Variants in ADD2 observed in about 807,000 individuals in gnomAD.
ADD2 encodes the protein adducin 2, also known as beta-adducin.
In ADD2, 23 loss-of-function variants were observed where a neutral mutation model predicts 83.0. That is an observed-to-expected ratio of 0.28 (90% CI 0.20 to 0.39). The LOEUF is 0.39. ADD2 is among the 10% of genes least tolerant of loss of function. The pLI is 1.00. For synonymous variants in ADD2, 375 were observed against 375.4 expected, an observed-to-expected ratio of 1.00 and a Z score of 0.01; for missense variants, 758 against 944.9, an observed-to-expected ratio of 0.80 and a Z score of 2.59.
At chr2:70,743,658 A>C (rs1161588480) in intron 1 of ADD2, among the ~76,000 whole-genome samples, 1 of 152,238 alleles carries the variant, frequency 6.6e-6, no homozygotes, top group African/African-American at 2.4e-5. Context: ...AAAAACCTAG[A>C]GTAGAGGCTT....
At chr2:70,717,902 T>A (rs1672555216) in intron 1 of ADD2, 2 of 152,228 alleles carry the variant, frequency 1.3e-5, no homozygotes, top group South Asian at 4.1e-4. Flanking sequence ...AGTTCTAGAT[T>A]AGGTATTAAC....
intron 1 of ADD2, among the ~76,000 whole-genome samples, chr2:70,724,266 C>A (rs1004931226): frequency 6.6e-5 from 10 of 152,216 alleles, no homozygotes; most frequent in African/African-American, 1.9e-4. Flanking sequence ...TGCTGTGGAG[C>A]GAGGGCCTTA....
At chr2:70,730,582 C>T (rs1673231401) in intron 1 of ADD2, among the ~76,000 whole-genome samples, 1 of 152,248 alleles carries the variant, frequency 6.6e-6, no homozygotes, top group Non-Finnish European at 1.5e-5. Flanking sequence ...CTTACACATC[C>T]TCCCCTACTC....
At chr2:70,703,199 AAAG>A (rs1553373751) in intron 4 of ADD2, among the ~76,000 whole-genome samples, 1 of 152,124 alleles carries the variant, frequency 6.6e-6, no homozygotes, top group African/African-American at 2.4e-5. Context: ...AGGAAGAAGA[AAAG>A]AAAACGAAAG....
At chr2:70,738,112 T>G (rs1448696684) in intron 1 of ADD2, among the ~76,000 whole-genome samples, 1 of 152,080 alleles carries the variant, frequency 6.6e-6, no homozygotes, top group Non-Finnish European at 1.5e-5. Flanking sequence ...TTAAAATAAA[T>G]TAAACACTAC....
At chr2:70,719,411 T>C (rs2104432375) in intron 1 of ADD2, among the ~76,000 whole-genome samples, 1 of 152,286 alleles carries the variant, frequency 6.6e-6, no homozygotes. Flanking sequence ...TGCTCTGGTA[T>C]AGGTTCATGA....
At chr2:70,740,634 T>TG (rs1186636760) in intron 1 of ADD2, among the ~76,000 whole-genome samples, 5 of 152,028 alleles carry the variant, frequency 3.3e-5, no homozygotes, top group East Asian at 1.9e-4. Context: ...GTGGGGATTT[T>TG]TTTGTTTGTT....
At chr2:70,742,597 GT>G (rs1673974888) in intron 1 of ADD2, among the ~76,000 whole-genome samples, 1 of 152,156 alleles carries the variant, frequency 6.6e-6, no homozygotes, top group African/African-American at 2.4e-5. Context: ...GGCTCAACTG[GT>G]ACCTATTGAT....
At chr2:70,745,932 GT>G (rs1553381911) in intron 1 of ADD2, among the ~76,000 whole-genome samples, 1 of 152,144 alleles carries the variant, frequency 6.6e-6, no homozygotes, top group African/African-American at 2.4e-5. Flanking sequence ...AATAAGGACT[GT>G]TTTTATCTAA....
intron 9 of ADD2, among the ~76,000 whole-genome samples, chr2:70,687,515 CT>C: frequency 2.1e-5 from 3 of 142,538 alleles, no homozygotes; most frequent in African/African-American, 9.3e-5. Context: ...CACGTCAACA[CT>C]CTGATTGGTC....
intron 15 of ADD2, among the ~76,000 whole-genome samples, chr2:70,671,915 G>A (rs1029741750): frequency 6.6e-6 from 1 of 152,166 alleles, no homozygotes; most frequent in Admixed American, 6.5e-5. Flanking sequence ...GGGGGTCTCC[G>A]GGGACCTGGG....
At chr2:70,715,745 C>T (rs1354796592) in intron 1 of ADD2, among the ~76,000 whole-genome samples, 2 of 152,138 alleles carry the variant, frequency 1.3e-5, no homozygotes, top group African/African-American at 4.8e-5. Context: ...CACCACACAC[C>T]GCAGCCTCCC....
At position 70,663,517 on chromosome 2, in the gene ADD2, A is replaced by G; in HGVS notation, c.2089T>C (p.Ser697Pro). Residue 697 changes from serine to proline, a missense_variant, in exon 16 of 16, where the codon TCA becomes CCA. Physicochemically the swap from Ser to Pro is moderately conservative, Grantham distance 74. This residue lies in a region of ADD2 where 165 missense variants were observed against 176.2 expected (regional missense o/e 0.94). Transcript: ENST00000264436. ...VTSGPMSPEGSPSKSPSKKKK... is the reference protein window; with the variant it reads ...VTSGPMSPEGPPSKSPSKKKK... ...TTCTTTGAGGGAGACTTGGAAGGTG[A>G]GCCCTCTGGGGACATGGGGCCGCTG... 6.2e-7 allele frequency: 1 copy of G among 1,614,098 alleles called. No individual in the cohort carries two copies. Among genetic ancestry groups the G allele is most frequent in the Non-Finnish European group, 8.5e-7 (1 of 1,179,996 alleles).
chr2:70,673,103 C>A lies in ADD2; in HGVS notation c.1742-97G>T. On this transcript the variant is annotated intron_variant, in intron 14 of 15. Coordinates refer to ENST00000264436, the MANE Select transcript of ADD2 (RefSeq NM_001617.4). ...TAAAAATTACTTTTTTCTATTTGGT[C>A]ATCAATCCTCCTGGCTGATAATGAG... is the stretch of plus-strand genomic sequence containing the variant. 3 of 1,537,754 alleles carry A rather than the reference C, an allele frequency of 2.0e-6. No homozygotes were observed. In the South Asian group the frequency reaches 3.6e-5, roughly 18 times the overall value.
At chr2:70,708,734 G>A (rs1553374984) in intron 2 of ADD2, among the ~76,000 whole-genome samples, 1 of 152,278 alleles carries the variant, frequency 6.6e-6, no homozygotes, top group African/African-American at 2.4e-5. Flanking sequence ...TGGCCTAAGG[G>A]CTTTTCCACG....
intron 1 of ADD2, among the ~76,000 whole-genome samples, chr2:70,766,067 C>T (rs1463307218): frequency 6.6e-6 from 1 of 152,164 alleles, no homozygotes; most frequent in African/African-American, 2.4e-5. Flanking sequence ...AAAACAAATT[C>T]AATCCAAGCC....
Position 70,676,616 on chromosome 2 carries a change from C to G in ADD2, c.1593+180G>C. Reference sequence around the variant, plus strand: ...CACAGGGGCCATCAGACATTGTCCTCCCTGGTCCTCACAGCACCCCTGTGA... The same window carrying G: ...CACAGGGGCCATCAGACATTGTCCTGCCTGGTCCTCACAGCACCCCTGTGA... On this transcript the variant is annotated intron_variant, in intron 13 of 15. Transcript: ENST00000264436. The surrounding 1 kb of genome is among the most constrained non-coding windows in gnomAD (Gnocchi z 4.8). 1 of 1,454,476 alleles carries G rather than the reference C, an allele frequency of 6.9e-7. No individual in the cohort carries two copies. The highest frequency in any genetic ancestry group is 2.5e-5 in the East Asian group (1 of 39,764). The allele number at this position is 1,454,476 out of a possible 1,614,324, so 90.1% of individuals were successfully genotyped here.
chr2:70,746,745 C>T (rs1674217326), intron 1 of ADD2, among the ~76,000 whole-genome samples: 1 of 152,208 alleles, frequency 6.6e-6, no homozygotes, highest in Admixed American at 6.5e-5. Context: ...TAGGATTTCT[C>T]TGCCTCCTCA....
chr2:70,670,390 C>T (rs1669849330), intron 15 of ADD2, among the ~76,000 whole-genome samples: 1 of 152,186 alleles, frequency 6.6e-6, no homozygotes, highest in African/African-American at 2.4e-5. Flanking sequence ...TAGTTAGTGG[C>T]AGAGCTGATC....
Sources: gnomAD v4.1 joint callset for allele counts (sites outside exome capture counted in the v4.1 genomes callset) on GRCh38, gnomAD v4.1.1 for gene constraint, gnomAD v4.1.1 regional missense constraint, Gnocchi (gnomAD v3.1) non-coding constraint, MANE v1.5 for transcripts, NCBI Gene and HGNC (gene_info 2026-07-23, HGNC 2026-07-21) for gene names.